Variants in NDRG1 observed in about 807,000 individuals in gnomAD.
The protein encoded by NDRG1 is N-myc downstream regulated 1.
NDRG1 carries 32 observed loss-of-function variants against 56.9 expected under a neutral mutation model. The observed-to-expected ratio is 0.56, with a 90% CI of 0.42 to 0.76. The LOEUF is 0.76. Among genes scored for constraint, NDRG1 ranks in the 30% least tolerant of loss-of-function variants. The probability of loss-of-function intolerance (pLI) is 0.00; values close to 1 mark genes in which losing one functional copy is unlikely to be tolerated. For synonymous variants in NDRG1, 211 were observed against 204.1 expected, an observed-to-expected ratio of 1.03 and a Z score of -0.29; for missense variants, 507 against 545.7, an observed-to-expected ratio of 0.93 and a Z score of 0.71.
chr8:133,288,644 C>G (rs926590257), intron 1 of NDRG1, among the ~76,000 whole-genome samples: 1 of 152,180 alleles, frequency 6.6e-6, no homozygotes, highest in Non-Finnish European at 1.5e-5. Flanking sequence ...ATGTTGGGAC[C>G]CACTAGAAAG....
chr8:133,270,260 G>C (rs181593753), intron 3 of NDRG1, among the ~76,000 whole-genome samples: 16 of 152,348 alleles, frequency 1.1e-4, no homozygotes, highest in African/African-American at 3.6e-4. Flanking sequence ...TGGGGAAACA[G>C]GACCTAACAC....
intron 3 of NDRG1, among the ~76,000 whole-genome samples, chr8:133,271,300 A>G (rs1210649523): frequency 2.0e-5 from 3 of 152,186 alleles, no homozygotes; most frequent in Non-Finnish European, 2.9e-5. Context: ...ACAGCTGTCC[A>G]GGAAGCTGAC....
intron 1 of NDRG1, among the ~76,000 whole-genome samples, chr8:133,289,271 T>C (rs1858299387): frequency 6.6e-6 from 1 of 151,966 alleles, no homozygotes; most frequent in African/African-American, 2.4e-5. Context: ...TAACTCCTGC[T>C]CCCAATGATC....
At chr8:133,254,665 C>A in intron 8 of NDRG1, 70 bp from the exon 9 acceptor site, 2 of 1,511,982 alleles carry the variant, frequency 1.3e-6, no homozygotes, top group Non-Finnish European at 9.1e-7. Flanking sequence ...AGCAAAACCC[C>A]ACTTCCCTGG....
At chr8:133,270,167 T>C (rs2130760521) in intron 3 of NDRG1, among the ~76,000 whole-genome samples, 1 of 152,310 alleles carries the variant, frequency 6.6e-6, no homozygotes, top group East Asian at 1.9e-4. Context: ...ACTTAGAGAT[T>C]TACAGTCTAC....
intron 15 of NDRG1, chr8:133,240,730 G>C (rs1855331788): frequency 6.6e-6 from 1 of 152,228 alleles, no homozygotes; most frequent in Non-Finnish European, 1.5e-5. Flanking sequence ...TGGGGAGAAA[G>C]ATGAGGTCTA....
At chr8:133,271,836 T>C (rs2130765234) in intron 3 of NDRG1, among the ~76,000 whole-genome samples, 1 of 55,296 alleles carries the variant, frequency 1.8e-5, no homozygotes, top group Admixed American at 2.3e-4. Context: ...GTACCAGAGA[T>C]AACCAGGGGA....
At chr8:133,247,109 T>G (rs1855730280) in intron 12 of NDRG1, among the ~76,000 whole-genome samples, 1 of 152,198 alleles carries the variant, frequency 6.6e-6, no homozygotes, top group East Asian at 1.9e-4. Context: ...GTGAACCTCT[T>G]GAAAGGGGCA....
rs183018037 is a variant in NDRG1 at position 133,249,023 on chromosome 8, T to C, written c.699-252A>G. Among the ~76,000 whole-genome samples the C allele has an allele frequency of 3.2e-3, 486 of 152,034 alleles. 2 individuals are homozygous for C. The highest frequency in any genetic ancestry group is 4.6e-3 in the Non-Finnish European group (312 of 67,968). ...ATTTTGTCACAAATATTTGTGGGGCTTTTTTTTCCAGGAGTAGAAGTCAGA... is the reference window on the plus strand; with the variant it reads ...ATTTTGTCACAAATATTTGTGGGGCCTTTTTTTCCAGGAGTAGAAGTCAGA... On this transcript the variant is annotated intron_variant, in intron 10 of 15. Coordinates refer to ENST00000323851, the MANE Select transcript of NDRG1 (RefSeq NM_006096.4).
intron 6 of NDRG1, chr8:133,258,914 G>C (rs1256992260): frequency 3.5e-6 from 2 of 574,436 alleles, no homozygotes. Context: ...GGAGGCAAGA[G>C]CAAATGGGTG....
rs563719403 is a variant in NDRG1, at chr8:133,247,819, C to T, written c.807+56G>A. ...GCAGGCAGGGCCACTTCAACAAAGT[C>T]AACCAGACTTTGCCTGTTGAATTAA... On this transcript the variant is annotated intron_variant, in intron 12 of 15. Transcript: ENST00000323851. 33 of 1,593,776 alleles carry T rather than the reference C, an allele frequency of 2.1e-5. No homozygotes were observed. The East Asian group carries it at 4.5e-4, about 22-fold the overall frequency.
chr8:133,254,409 T>C (rs199645615), intron 9 of NDRG1, 130 bp downstream of exon 9: 3 of 806,872 alleles, frequency 3.7e-6, no homozygotes, highest in Non-Finnish European at 6.0e-6. Context: ...CATTATCTCA[T>C]GAGCACCAGC....
At chr8:133,286,392 G>A (rs1858114896) in intron 1 of NDRG1, among the ~76,000 whole-genome samples, 1 of 152,198 alleles carries the variant, frequency 6.6e-6, no homozygotes, top group Non-Finnish European at 1.5e-5. Context: ...TTAGGACATA[G>A]TGTCTGTCAG....
Position 133,268,765 on chromosome 8 carries a change from G to A in NDRG1, c.100-4113C>T, listed in dbSNP as rs1321035204. Among the ~76,000 whole-genome samples the A allele has an allele frequency of 3.3e-5, 5 of 151,918 alleles. 1 individual carries two copies. Among genetic ancestry groups the A allele is most frequent in the Non-Finnish European group, 5.9e-5 (4 of 67,982 alleles). On this transcript the variant is annotated intron_variant, in intron 3 of 15. Coordinates refer to ENST00000323851, the MANE Select transcript of NDRG1 (RefSeq NM_006096.4). ...GTGCCAGGGTCTGCTGGCCCCCATC[G>A]GTCCTCCACTCAGTTCCTGGCCCCC...
chr8:133,279,142 G>A (rs532163377), intron 3 of NDRG1, among the ~76,000 whole-genome samples: 104 of 152,178 alleles, frequency 6.8e-4, no homozygotes, highest in African/African-American at 2.5e-3. Context: ...TGCCTGCCTC[G>A]GCCTTCCAAA....
intron 7 of NDRG1, 62 bp downstream of exon 7, chr8:133,258,304 G>A: frequency 1.3e-6 from 2 of 1,518,226 alleles, no homozygotes; most frequent in Non-Finnish European, 1.8e-6. Context: ...CTTTTCCAAT[G>A]TCTTCCTTCA....
intron 1 of NDRG1, among the ~76,000 whole-genome samples, chr8:133,291,916 C>T (rs141373574): frequency 3.0e-3 from 461 of 152,260 alleles, no homozygotes; most frequent in Non-Finnish European, 5.1e-3. Flanking sequence ...AGCACAGCAC[C>T]AGGGAGGTCA....
chr8:133,264,438 C>G (rs1049188941), intron 4 of NDRG1, 109 bp downstream of exon 4: 2 of 985,056 alleles, frequency 2.0e-6, no homozygotes, highest in Non-Finnish European at 3.2e-6. Flanking sequence ...CAGGAAGTCC[C>G]AGGCAAAAAG....
At chr8:133,262,809 C>T (rs190083271) in intron 4 of NDRG1, among the ~76,000 whole-genome samples, 23 of 152,346 alleles carry the variant, frequency 1.5e-4, no homozygotes, top group African/African-American at 5.3e-4. Context: ...CCTCACCATA[C>T]CTGCCACCCA....
Sources: allele counts gnomAD v4.1 joint callset (sites outside exome capture counted in the v4.1 genomes callset), GRCh38; gene constraint gnomAD v4.1.1; transcripts MANE v1.5; gene names NCBI Gene and HGNC (gene_info 2026-07-23, HGNC 2026-07-21).